Variants in LIPC observed in about 807,000 individuals in gnomAD.
LIPC encodes the protein lipase C, hepatic type.
Under a neutral mutation model 50.7 loss-of-function variants are expected in LIPC, and 44 were observed. That is an observed-to-expected ratio of 0.87 (90% confidence interval 0.68 to 1.11). The LOEUF is 1.11. Ranked by LOEUF, LIPC falls within the 50% of genes most tolerant of loss-of-function variation. LIPC has a pLI of 0.00. For missense variants in LIPC, 697 were observed against 648.2 expected (o/e 1.08, Z -0.82); for synonymous variants, 271 against 256.4 (o/e 1.06, Z -0.54).
At chr15:58,465,567 G>T (rs1894524295) in intron 1 of LIPC, among the ~76,000 whole-genome samples, 3 of 152,172 alleles carry the variant, frequency 2.0e-5, no homozygotes, top group Middle Eastern at 3.2e-3. Context: ...CAAGGGCAGA[G>T]GTGAGGTGTA....
intron 1 of LIPC, among the ~76,000 whole-genome samples, chr15:58,505,065 C>T (rs1193918931): frequency 6.6e-6 from 1 of 152,228 alleles, no homozygotes; most frequent in East Asian, 1.9e-4. Flanking sequence ...TGGAAATTCC[C>T]TTATGCTAGA....
At position 58,436,409 on chromosome 15, in the gene LIPC, CTTGT is replaced by C. The variant is rs1184747662; in HGVS notation, c.88+4293_88+4296del. The C allele has an allele frequency of 1.6e-4, 39 of 244,978 alleles. No individual in the cohort carries two copies. The Admixed American group carries it at 2.0e-3, about 13-fold the overall frequency. 15.2% of individuals were successfully genotyped at this position (244,978 alleles called of 1,614,324 possible). A position where few individuals can be genotyped will look rare whatever the true frequency, so the allele number is the denominator to read the frequency against. Reference sequence around the variant, plus strand: ...GATTGTGAACAATGAGTTGTAACATCTTGTTTGATAGGTAAAAATTTGGACTCAT... The same window carrying C: ...GATTGTGAACAATGAGTTGTAACATCTTGATAGGTAAAAATTTGGACTCAT... On this transcript the variant is annotated intron_variant, in intron 1 of 8. Transcript: ENST00000299022.
intron 4 of LIPC, among the ~76,000 whole-genome samples, chr15:58,544,732 G>T (rs569028093): frequency 6.6e-6 from 1 of 152,182 alleles, no homozygotes; most frequent in Admixed American, 6.5e-5. Context: ...GGGTAGGGCT[G>T]GAGAACGGGT....
At chr15:58,475,216 C>T (rs1890950440) in intron 1 of LIPC, among the ~76,000 whole-genome samples, 1 of 152,220 alleles carries the variant, frequency 6.6e-6, no homozygotes, top group Non-Finnish European at 1.5e-5. Flanking sequence ...CAGTGTCTGG[C>T]CTGTGCTCCC....
chr15:58,522,921 C>T (rs758220248), intron 1 of LIPC: 2 of 152,280 alleles, frequency 1.3e-5, no homozygotes, highest in African/African-American at 2.4e-5. Context: ...GTGGCACTTT[C>T]CAACATTCGT....
chr15:58,514,676 TA>T (rs1359979326), intron 1 of LIPC, among the ~76,000 whole-genome samples: 3 of 152,034 alleles, frequency 2.0e-5, no homozygotes, highest in Non-Finnish European at 4.4e-5. Flanking sequence ...ATACAAAAAT[TA>T]GCCAGGCATG....
At position 58,552,194 on chromosome 15, in the gene LIPC, A is replaced by C. The variant is rs374030069; in HGVS notation, c.1051+3622A>C. Among the ~76,000 whole-genome samples, 3 of 152,244 alleles carry C rather than the reference A, an allele frequency of 2.0e-5. No individual in the cohort carries two copies. In the East Asian group the frequency reaches 5.8e-4, roughly 29 times the overall value. On this transcript the variant is annotated intron_variant, in intron 6 of 8. Transcript: ENST00000299022. ...AGGAGGGAAGGGGCCCTCGGGGGGCACTCTGCCCGGGCACTGGGCTGGATG... is the reference window on the plus strand; with the variant it reads ...AGGAGGGAAGGGGCCCTCGGGGGGCCCTCTGCCCGGGCACTGGGCTGGATG...
At position 58,433,706 on chromosome 15, in the gene LIPC, T is replaced by C. The variant is rs563114442; in HGVS notation, c.88+1586T>C. 8.5e-5 allele frequency among the ~76,000 whole-genome samples: 13 copies of C among 152,352 alleles called. No homozygotes were observed. In the South Asian group the frequency reaches 2.7e-3, roughly 32 times the overall value. On this transcript the variant is annotated intron_variant, in intron 1 of 8. Transcript: ENST00000299022. ...GGAGGGATGGCCTCCCCCAGGCTTCTGGGTATTGTCCAGATTTTCCTTGAG... is the reference window on the plus strand; with the variant it reads ...GGAGGGATGGCCTCCCCCAGGCTTCCGGGTATTGTCCAGATTTTCCTTGAG...
chr15:58,480,678 CA>C (rs1361274141), intron 1 of LIPC, among the ~76,000 whole-genome samples: 1 of 152,240 alleles, frequency 6.6e-6, no homozygotes, highest in African/African-American at 2.4e-5. Context: ...CAGCCCAACA[CA>C]AATTCATAAA....
At chr15:58,542,513 C>A in intron 3 of LIPC, 21 bp from the exon 4 acceptor site, 1 of 1,501,974 alleles carries the variant, frequency 6.7e-7, no homozygotes, top group Non-Finnish European at 9.3e-7. Context: ...CTCCTGCCCC[C>A]ATCCCGCTGC....
chr15:58,441,025 C>T (rs1218587765), intron 1 of LIPC, among the ~76,000 whole-genome samples: 1 of 152,168 alleles, frequency 6.6e-6, no homozygotes, highest in Non-Finnish European at 1.5e-5. Flanking sequence ...TTTTAAAAGG[C>T]TGCCTTTCCC....
chr15:58,467,640 A>C (rs1894618113), intron 1 of LIPC, among the ~76,000 whole-genome samples: 1 of 152,030 alleles, frequency 6.6e-6, no homozygotes, highest in African/African-American at 2.4e-5. Context: ...CCTCCTAATT[A>C]ATGCCTCTAT....
In LIPC at chr15:58,541,700, C is replaced by T. The variant is rs575703678; in HGVS notation, c.274-85C>T. ...GAAACGTCATAGCAAGCCCTTCCTCCAGCATTATCCAGGAGCTGGAGAAGG... is the reference window on the plus strand; with the variant it reads ...GAAACGTCATAGCAAGCCCTTCCTCTAGCATTATCCAGGAGCTGGAGAAGG... On this transcript the variant is annotated intron_variant, in intron 2 of 8. Coordinates refer to ENST00000299022, the MANE Select transcript of LIPC (RefSeq NM_000236.3). 1.7e-5 allele frequency: 23 copies of T among 1,384,090 alleles called. No homozygotes were observed. The African/African-American group carries it at 3.3e-4, about 20-fold the overall frequency. 85.7% of individuals were successfully genotyped at this position (1,384,090 alleles called of 1,614,324 possible).
At chr15:58,493,903 G>A (rs1891678629) in intron 1 of LIPC, among the ~76,000 whole-genome samples, 1 of 152,148 alleles carries the variant, frequency 6.6e-6, no homozygotes, top group South Asian at 2.1e-4. Context: ...TGAAAGGAAT[G>A]AATTGCTTGT....
At chr15:58,501,347 CT>C (rs11453466) in intron 1 of LIPC, among the ~76,000 whole-genome samples, 28,609 of 134,658 alleles carry the variant, frequency 0.21, 3,105 homozygotes, top group South Asian at 0.37. Context: ...GCCTCTCATA[CT>C]TTTTTTTTTT....
At chr15:58,482,335 T>C (rs1438758233) in intron 1 of LIPC, among the ~76,000 whole-genome samples, 1 of 152,190 alleles carries the variant, frequency 6.6e-6, no homozygotes, top group African/African-American at 2.4e-5. Flanking sequence ...AAAGCTTCCA[T>C]TGACCTCACC....
At chr15:58,566,169 C>G in intron 8 of LIPC, 1 of 985,200 alleles carries the variant, frequency 1.0e-6, no homozygotes, top group Non-Finnish European at 1.2e-6. Context: ...ACAGACCACA[C>G]TTTGAATAGT....
chr15:58,474,538 T>G, intron 1 of LIPC, among the ~76,000 whole-genome samples: 1 of 149,914 alleles, frequency 6.7e-6, no homozygotes, highest in Admixed American at 6.6e-5. Flanking sequence ...AAAAAGAGGC[T>G]TTTCACGAAT....
intron 1 of LIPC, among the ~76,000 whole-genome samples, chr15:58,461,189 T>TTTC (rs1291873902): frequency 1.3e-5 from 2 of 152,222 alleles, no homozygotes; most frequent in East Asian, 3.9e-4. Context: ...GCTGCAATAG[T>TTTC]AACAATAAAA....
Sources: gnomAD v4.1 joint callset for allele counts (sites outside exome capture counted in the v4.1 genomes callset) on GRCh38, gnomAD v4.1.1 for gene constraint, MANE v1.5 for transcripts, NCBI Gene and HGNC (gene_info 2026-07-23, HGNC 2026-07-21) for gene names.